Variants in PTPRA observed in about 807,000 individuals in gnomAD.
PTPRA encodes protein tyrosine phosphatase receptor type A, also known as receptor-type tyrosine-protein phosphatase alpha.
A neutral mutation model predicts 104.8 loss-of-function variants in PTPRA; 25 were observed. That is an observed-to-expected ratio of 0.24 (90% CI 0.17 to 0.33). PTPRA has a LOEUF of 0.33. Ranked by LOEUF, PTPRA falls within the 10% of genes least tolerant of loss-of-function variation. PTPRA has a pLI of 1.00. For synonymous variants in PTPRA, 323 were observed against 368.9 expected (o/e 0.88, Z 1.43); for missense variants, 765 against 1,015.3 (o/e 0.75, Z 3.35).
chr20:3,002,362 T>G (rs901487983), intron 9 of PTPRA, among the ~76,000 whole-genome samples: 13 of 150,606 alleles, frequency 8.6e-5, no homozygotes, highest in Non-Finnish European at 4.4e-5. Context: ...GTTTTGCTCT[T>G]TCTGCCCAGG....
At chr20:2,988,214 A>G in intron 8 of PTPRA, 109 bp downstream of exon 8, 2 of 1,521,402 alleles carry the variant, frequency 1.3e-6, no homozygotes, top group Non-Finnish European at 1.8e-6. Flanking sequence ...AGGAAAAAAG[A>G]TTTTTGAAGA....
At position 3,022,609 on chromosome 20, in the gene PTPRA, C is replaced by CCCT; in HGVS notation, c.1329-79_1329-77dup. 6.3e-7 allele frequency: 1 copy of CCCT among 1,584,822 alleles called. No homozygotes were observed. The highest frequency in any genetic ancestry group is 8.6e-7 in the Non-Finnish European group (1 of 1,160,538). On this transcript the variant is annotated intron_variant, in intron 15 of 23. Transcript: ENST00000399903. This position sits in a 1 kb window ranked among gnomAD's most constrained non-coding sequence, Gnocchi z 4.6. ...AGGATTTAGACCCTGAAGGAAGAGC[C>CCCT]CCTGCCTGTGTTGCCCCTCCCTATC...
intron 3 of PTPRA, among the ~76,000 whole-genome samples, chr20:2,951,722 G>A (rs544116607): frequency 6.6e-6 from 1 of 152,308 alleles, no homozygotes; most frequent in African/African-American, 2.4e-5. Flanking sequence ...ACCCTAGCTA[G>A]TGCTTCCTCA....
intron 1 of PTPRA, among the ~76,000 whole-genome samples, chr20:2,898,721 A>G (rs1320007566): frequency 6.6e-6 from 1 of 151,686 alleles, no homozygotes; most frequent in African/African-American, 2.4e-5. Context: ...AGCCGGGCAT[A>G]GTGGCACACA....
chr20:2,896,427 G>A (rs888748329), intron 1 of PTPRA, among the ~76,000 whole-genome samples: 5 of 151,992 alleles, frequency 3.3e-5, no homozygotes, highest in Admixed American at 1.3e-4. Flanking sequence ...CAAAGAATAC[G>A]GCCTACATGC....
chr20:2,898,221 A>C (rs1051934827), intron 1 of PTPRA, among the ~76,000 whole-genome samples: 1 of 151,614 alleles, frequency 6.6e-6, no homozygotes, highest in African/African-American at 2.4e-5. Flanking sequence ...CTCAGCCTCC[A>C]GGCATGCGCC....
chr20:2,956,317 T>C (rs2061533761), intron 3 of PTPRA, among the ~76,000 whole-genome samples: 1 of 152,184 alleles, frequency 6.6e-6, no homozygotes, highest in South Asian at 2.1e-4. Context: ...AAGTTAAAAC[T>C]TTCACTGTAA....
At chr20:2,900,592 A>G (rs2059192838) in intron 1 of PTPRA, among the ~76,000 whole-genome samples, 1 of 151,890 alleles carries the variant, frequency 6.6e-6, no homozygotes, top group Non-Finnish European at 1.5e-5. Context: ...GTGGTGGCTC[A>G]TGCCTGTAAT....
At chr20:2,971,834 GGTTT>G (rs764464303) in intron 5 of PTPRA, among the ~76,000 whole-genome samples, 16 of 151,880 alleles carry the variant, frequency 1.1e-4, no homozygotes, top group Admixed American at 7.2e-4. Context: ...TCTATTCCTA[GGTTT>G]GTTTGTTTGT....
intron 9 of PTPRA, among the ~76,000 whole-genome samples, chr20:2,997,117 T>C (rs947346698): frequency 7.4e-6 from 1 of 135,842 alleles, no homozygotes; most frequent in African/African-American, 2.8e-5. Context: ...CTCTAAGTTA[T>C]ATTGTTATGT....
chr20:3,027,359 G>A (rs1178566953), intron 19 of PTPRA, among the ~76,000 whole-genome samples, 162 bp downstream of exon 19: 2 of 152,104 alleles, frequency 1.3e-5, no homozygotes, highest in African/African-American at 4.8e-5. Flanking sequence ...CATTAGGTCT[G>A]TCCAGCTCCA....
At chr20:2,956,733 A>T (rs2061551198) in intron 3 of PTPRA, among the ~76,000 whole-genome samples, 1 of 152,186 alleles carries the variant, frequency 6.6e-6, no homozygotes, top group Non-Finnish European at 1.5e-5. Context: ...TCTCTCCCCC[A>T]TTGATAGACG....
At chr20:2,876,558 T>C (rs953559966) in intron 1 of PTPRA, among the ~76,000 whole-genome samples, 4 of 152,236 alleles carry the variant, frequency 2.6e-5, no homozygotes, top group African/African-American at 9.6e-5. Context: ...CTTTTACTTA[T>C]TTAGTTGTAT....
chr20:2,869,718 C>A (rs1046616485), upstream of PTPRA, among the ~76,000 whole-genome samples: 2 of 152,180 alleles, frequency 1.3e-5, no homozygotes, highest in Non-Finnish European at 2.9e-5. Flanking sequence ...GTAATTCCAG[C>A]ACTTTGGGAG....
rs1292753992 is a variant in PTPRA, at chr20:2,910,588, T to G, written c.-128-12619T>G. On this transcript the variant is annotated intron_variant, in intron 1 of 23. Transcript: ENST00000399903. ...TATCATGCCCAGCTAGTTTTTTTTTTGTTTTTTTTTTGTTTTTTTTAATTT... is the reference window on the plus strand; with the variant it reads ...TATCATGCCCAGCTAGTTTTTTTTTGGTTTTTTTTTTGTTTTTTTTAATTT... Among the ~76,000 whole-genome samples the G allele has an allele frequency of 6.7e-4, 62 of 92,698 alleles. 3 individuals are homozygous for G. The highest frequency in any genetic ancestry group is 3.6e-3 in the African/African-American group (58 of 16,050). The allele number at this position is 92,698 out of a possible 152,430, so 60.8% of individuals were successfully genotyped here. A position where few individuals can be genotyped will look rare whatever the true frequency, so the allele number is the denominator to read the frequency against.
chr20:2,879,316 T>G (rs2089921518), intron 1 of PTPRA, among the ~76,000 whole-genome samples: 1 of 152,206 alleles, frequency 6.6e-6, no homozygotes, highest in Non-Finnish European at 1.5e-5. Context: ...TGCCAAGTCC[T>G]GAATCAGTAG....
At chr20:2,991,509 C>T (rs540033434) in intron 9 of PTPRA, among the ~76,000 whole-genome samples, 3 of 152,330 alleles carry the variant, frequency 2.0e-5, no homozygotes, top group African/African-American at 7.2e-5. Flanking sequence ...GATCCCATTA[C>T]TATACTTTTT....
intron 1 of PTPRA, among the ~76,000 whole-genome samples, chr20:2,895,667 C>T (rs376225180): frequency 1.3e-5 from 2 of 152,214 alleles, no homozygotes; most frequent in African/African-American, 4.8e-5. Flanking sequence ...CAGATGTGCA[C>T]CACCAAACAC....
chr20:2,870,723 TC>T (rs1275301618), upstream of PTPRA, among the ~76,000 whole-genome samples: 1 of 152,166 alleles, frequency 6.6e-6, no homozygotes, highest in Non-Finnish European at 1.5e-5. Flanking sequence ...CCCCCCATCC[TC>T]CAGCTCTCCT....
Sources: gnomAD v4.1 joint callset for allele counts (sites outside exome capture counted in the v4.1 genomes callset) on GRCh38, gnomAD v4.1.1 for gene constraint, Gnocchi (gnomAD v3.1) non-coding constraint, MANE v1.5 for transcripts, NCBI Gene and HGNC (gene_info 2026-07-23, HGNC 2026-07-21) for gene names.